Variants in ROBO1 observed in about 807,000 individuals in gnomAD.
The protein encoded by ROBO1 is roundabout guidance receptor 1, also known as roundabout homolog 1.
Under a neutral mutation model 195.9 loss-of-function variants are expected in ROBO1, and 149 were observed. The observed-to-expected ratio is 0.76, with a 90% CI of 0.67 to 0.87. ROBO1 has a LOEUF of 0.87. Among genes scored for constraint, ROBO1 ranks in the 40% least tolerant of loss-of-function variants. The pLI is 0.00. For missense variants in ROBO1, 1,933 were observed against 2,068.3 expected, an observed-to-expected ratio of 0.93 and a Z score of 1.27; for synonymous variants, 816 against 733.2, an observed-to-expected ratio of 1.11 and a Z score of -1.82.
chr3:79,347,604 A>G (rs943191328), intron 2 of ROBO1, among the ~76,000 whole-genome samples: 8 of 152,196 alleles, frequency 5.3e-5, no homozygotes, highest in Non-Finnish European at 1.2e-4. Context: ...GAATTTCAAT[A>G]TTTTCAACTA....
chr3:78,811,104 C>T (rs531095311), intron 4 of ROBO1, among the ~76,000 whole-genome samples: 6 of 152,200 alleles, frequency 3.9e-5, no homozygotes, highest in African/African-American at 1.2e-4. Context: ...GGACTGTTCT[C>T]GGTCTATACA....
intron 29 of ROBO1, among the ~76,000 whole-genome samples, chr3:78,603,569 A>C (rs1437075017): frequency 1.3e-5 from 2 of 152,206 alleles, no homozygotes; most frequent in Admixed American, 6.6e-5. Flanking sequence ...ATGTAGAAAT[A>C]AATTGAACTA....
At position 78,646,178 on chromosome 3, in the gene ROBO1, C is replaced by T; in HGVS notation, c.2852G>A (p.Arg951Lys). The part of the protein sequence containing the change: ...FTFTPTVTYQ[R>K]GGEAVSSGGR... ...TCCACTGCTGACAGCTTCGCCTCCT[C>T]TCTGGTAAGTTACTAGAATGTTACG... Residue 951 changes from arginine (R) to lysine (K), a missense_variant, in exon 21 of 31, where the codon AGA becomes AAA. By Grantham distance (26) the Arg-to-Lys change is conservative. Transcript: ENST00000464233. 1 of 1,606,462 alleles carries T rather than the reference C, an allele frequency of 6.2e-7. No individual in the cohort carries two copies. The highest frequency in any genetic ancestry group is 8.5e-7 in the Non-Finnish European group (1 of 1,174,918).
chr3:79,534,151 A>C (rs1377586161), intron 2 of ROBO1, among the ~76,000 whole-genome samples: 1 of 33,920 alleles, frequency 2.9e-5, no homozygotes, highest in South Asian at 6.0e-4. Context: ...GGGAAGGCAA[A>C]AAAAAAAAAA....
At chr3:78,854,139 C>T (rs1036333616) in intron 4 of ROBO1, among the ~76,000 whole-genome samples, 3 of 151,834 alleles carry the variant, frequency 2.0e-5, no homozygotes, top group African/African-American at 7.3e-5. Flanking sequence ...ATCCACTCTT[C>T]CCTGAGTCCT....
rs555255035 is a variant in ROBO1 at position 78,946,726 on chromosome 3, A to G, written c.173-7799T>C. ...TGCTCCAATTAAAAGACACAGACTG[A>G]CAAATTGGATAAAGAGTCAAGACCC... On this transcript the variant is annotated intron_variant, in intron 3 of 30. Coordinates refer to ENST00000464233, the MANE Select transcript of ROBO1 (RefSeq NM_002941.4). 7.3e-3 allele frequency among the ~76,000 whole-genome samples: 1,115 copies of G among 152,252 alleles called. 12 individuals are homozygous for G. The highest frequency in any genetic ancestry group is 0.026 in the African/African-American group (1,069 of 41,524).
chr3:79,244,154 C>G, intron 2 of ROBO1, among the ~76,000 whole-genome samples: 1 of 152,064 alleles, frequency 6.6e-6, no homozygotes, highest in East Asian at 1.9e-4. Flanking sequence ...CGTTGATGTT[C>G]TTTCTATCAT....
intron 2 of ROBO1, among the ~76,000 whole-genome samples, chr3:79,432,602 T>C (rs745929935): frequency 6.6e-6 from 1 of 152,134 alleles, no homozygotes; most frequent in African/African-American, 2.4e-5. Context: ...CACAGAATTA[T>C]CTAATGCTTA....
chr3:78,670,419 T>G, intron 10 of ROBO1, 118 bp from the exon 11 acceptor site: 1 of 811,336 alleles, frequency 1.2e-6, no homozygotes, highest in Non-Finnish European at 1.9e-6. Flanking sequence ...AACAAGTAAT[T>G]AAAGTAGCAG....
chr3:78,891,892 TCTG>T (rs1399142506), intron 4 of ROBO1, among the ~76,000 whole-genome samples: 16 of 152,158 alleles, frequency 1.1e-4, no homozygotes, highest in African/African-American at 3.9e-4. Context: ...GCAAAACTAA[TCTG>T]CTGTGATAGA....
At chr3:79,202,030 G>C (rs1184729921) in intron 2 of ROBO1, among the ~76,000 whole-genome samples, 1 of 151,614 alleles carries the variant, frequency 6.6e-6, no homozygotes, top group Non-Finnish European at 1.5e-5. Flanking sequence ...TGCCCTTCAG[G>C]TTTCATTGTA....
chr3:79,743,092 T>C (rs1703717369), intron 1 of ROBO1, among the ~76,000 whole-genome samples: 1 of 152,222 alleles, frequency 6.6e-6, no homozygotes, highest in African/African-American at 2.4e-5. Flanking sequence ...CATGACTTTA[T>C]GGGCAGTGAT....
chr3:79,454,639 T>C (rs1008430044), intron 2 of ROBO1, among the ~76,000 whole-genome samples: 15 of 152,142 alleles, frequency 9.9e-5, no homozygotes, highest in Non-Finnish European at 8.8e-5. Context: ...TAAAAACTAG[T>C]GCCCAATAAA....
At chr3:78,619,333 G>A (rs1704314801) in intron 26 of ROBO1, among the ~76,000 whole-genome samples, 1 of 151,916 alleles carries the variant, frequency 6.6e-6, no homozygotes, top group Non-Finnish European at 1.5e-5. Context: ...GAGAGATACA[G>A]CATGAATGTC....
intron 5 of ROBO1, among the ~76,000 whole-genome samples, chr3:78,721,899 T>C (rs182425834): frequency 9.9e-5 from 15 of 152,192 alleles, no homozygotes; most frequent in African/African-American, 3.4e-4. Flanking sequence ...AAAGAATCTA[T>C]ACAAATGGAG....
intron 3 of ROBO1, among the ~76,000 whole-genome samples, chr3:79,010,482 A>T (rs1277636991): frequency 6.6e-6 from 1 of 152,150 alleles, no homozygotes; most frequent in Admixed American, 6.5e-5. Context: ...TGTAACTTTT[A>T]GGCATTATCA....
At chr3:78,716,407 T>C (rs912937924) in intron 7 of ROBO1, among the ~76,000 whole-genome samples, 4 of 151,756 alleles carry the variant, frequency 2.6e-5, no homozygotes, top group African/African-American at 9.7e-5. Flanking sequence ...GCAGGGGAAA[T>C]GCCAGACGCT....
At chr3:79,546,536 T>G (rs1308466420) in intron 2 of ROBO1, among the ~76,000 whole-genome samples, 1 of 152,206 alleles carries the variant, frequency 6.6e-6, no homozygotes, top group Non-Finnish European at 1.5e-5. Context: ...ATTGGCTACA[T>G]GTTTAGAAAG....
intron 4 of ROBO1, among the ~76,000 whole-genome samples, chr3:78,752,023 A>T (rs997917677): frequency 1.3e-5 from 2 of 152,100 alleles, no homozygotes; most frequent in African/African-American, 2.4e-5. Flanking sequence ...GAAAAAAAAT[A>T]AAATGAATCC....
Sources: gnomAD v4.1 joint callset for allele counts (sites outside exome capture counted in the v4.1 genomes callset) on GRCh38, gnomAD v4.1.1 for gene constraint, MANE v1.5 for transcripts, NCBI Gene and HGNC (gene_info 2026-07-23, HGNC 2026-07-21) for gene names.